COL5A1: variants seen among roughly 807,000 people sequenced by gnomAD.
COL5A1 encodes collagen alpha-1(V) chain.
COL5A1 carries 16 observed loss-of-function variants against 263.7 expected under a neutral mutation model. The observed-to-expected ratio is 0.06, with a 90% confidence interval of 0.04 to 0.09. COL5A1 has a LOEUF of 0.09. Among genes scored for constraint, COL5A1 ranks in the 10% least tolerant of loss-of-function variants. COL5A1 has a pLI of 1.00. For synonymous variants in COL5A1, 1,012 were observed against 1,004.5 expected, an observed-to-expected ratio of 1.01 and a Z score of -0.14; for missense variants, 2,036 against 2,540.5, an observed-to-expected ratio of 0.80 and a Z score of 4.27.
chr9:134,707,514 GC>G (rs1833877722), intron 4 of COL5A1, among the ~76,000 whole-genome samples: 1 of 152,134 alleles, frequency 6.6e-6, no homozygotes, highest in Admixed American at 6.5e-5. Flanking sequence ...GCCTTTCTCA[GC>G]CATCCACGGA....
rs116553927 is a variant in COL5A1, at chr9:134,647,226, T to C, written c.109+4930T>C. On this transcript the variant is annotated intron_variant, in intron 1 of 65. Transcript: ENST00000371817. This position sits in a 1 kb window ranked among gnomAD's most constrained non-coding sequence, Gnocchi z 5.0. ...CCGCTTAGCCGGTCTCTGCTGCCCC[T>C]TTGCCTTCCTTGGCCTCGGTTCTTT... 1.1e-3 allele frequency among the ~76,000 whole-genome samples: 163 copies of C among 152,256 alleles called. No individual in the cohort carries two copies. The highest frequency in any genetic ancestry group is 3.6e-3 in the African/African-American group (150 of 41,540).
intron 50 of COL5A1, 120 bp from the exon 51 acceptor site, chr9:134,815,456 G>C: frequency 2.0e-6 from 2 of 1,008,070 alleles, no homozygotes; most frequent in Non-Finnish European, 3.1e-6. Flanking sequence ...GGAACTGCTG[G>C]AAAGTCTTAG....
At chr9:134,644,591 G>A (rs1031277114) in intron 1 of COL5A1, among the ~76,000 whole-genome samples, 1 of 146,382 alleles carries the variant, frequency 6.8e-6, no homozygotes, top group Non-Finnish European at 1.5e-5. Context: ...GGCAGGCGCG[G>A]GGGGGAGCCA....
In COL5A1 at chr9:134,754,252, T is replaced by C. The variant is rs754059459; in HGVS notation, c.1774-21T>C. On this transcript the variant is annotated intron_variant, in intron 15 of 65. Transcript: ENST00000371817. This position sits in a 1 kb window ranked among gnomAD's most constrained non-coding sequence, Gnocchi z 4.3. ...AGAAAGGCGGACTCGCCACTGACCC[T>C]TTGTCTCTTACCCCTGGCAGGGTCC... 1 of 1,613,124 alleles carries C rather than the reference T, an allele frequency of 6.2e-7. No individual in the cohort carries two copies. The highest frequency in any genetic ancestry group is 1.3e-5 in the African/African-American group (1 of 74,932).
Position 134,754,846 on chromosome 9 carries a change from A to T in COL5A1, c.1827+520A>T, listed in dbSNP as rs1472268639. Among the ~76,000 whole-genome samples the T allele has an allele frequency of 6.6e-6, 1 of 152,178 alleles. No homozygotes were observed. The highest frequency in any genetic ancestry group is 2.4e-5 in the African/African-American group (1 of 41,442). On this transcript the variant is annotated intron_variant, in intron 16 of 65. Transcript: ENST00000371817. The surrounding 1 kb of genome is among the most constrained non-coding windows in gnomAD (Gnocchi z 4.3). ...GTTTCCCGAGTGCTGACCACCACCC[A>T]GACAGGCTGGGGCAGGCCCTGGGAG...
chr9:134,644,552 G>T (rs1831413506), intron 1 of COL5A1, among the ~76,000 whole-genome samples: 1 of 146,218 alleles, frequency 6.8e-6, no homozygotes, highest in Non-Finnish European at 1.5e-5. Flanking sequence ...TGCAGGCGTG[G>T]CGGGGAGGGG....
At chr9:134,719,956 TCTGATAGCACCTGGGAGGGGGA>T (rs1834395499) in intron 4 of COL5A1, among the ~76,000 whole-genome samples, 1 of 152,080 alleles carries the variant, frequency 6.6e-6, no homozygotes, top group Non-Finnish European at 1.5e-5. Flanking sequence ...TGCCAGGGGC[TCTGATAGCACCTGGGAGGGGGA>T]CTGTGGGGAC....
chr9:134,788,297 T>C (rs1191513172), intron 31 of COL5A1, among the ~76,000 whole-genome samples: 3 of 145,832 alleles, frequency 2.1e-5, no homozygotes, highest in Admixed American at 1.4e-4. Context: ...GGCAGGTAAG[T>C]AGACAGGTCG....
chr9:134,794,984 T>C lies in COL5A1; in HGVS notation c.2701-98T>C. On this transcript the variant is annotated intron_variant, in intron 32 of 65. Coordinates refer to ENST00000371817, the MANE Select transcript of COL5A1 (RefSeq NM_000093.5). The surrounding 1 kb of genome is among the most constrained non-coding windows in gnomAD (Gnocchi z 4.3). ...GAGGCCCAGGTTCCTCCTATCCTGC[T>C]CTGAATTCACAGTCTCTCAATAACC... 3 of 1,379,250 alleles carry C rather than the reference T, an allele frequency of 2.2e-6. No homozygotes were observed. Among genetic ancestry groups the C allele is most frequent in the Non-Finnish European group, 3.1e-6 (3 of 972,192 alleles). The allele number at this position is 1,379,250 out of a possible 1,614,324, so 85.4% of individuals were successfully genotyped here.
rs3128602 is a variant in COL5A1, at chr9:134,824,381, A to G, written c.4699-219A>G. Among the ~76,000 whole-genome samples, 114,416 of 152,200 alleles carry G rather than the reference A, an allele frequency of 0.75. 43,201 individuals carry two copies. The highest frequency in any genetic ancestry group is 0.82 in the African/African-American group (34,010 of 41,540). ...TCTAGAGAGAAAGGAGAGGTGCTCC[A>G]TGCTGGCAAGCACCTGGCAGTGGGG... On this transcript the variant is annotated intron_variant, in intron 61 of 65. Coordinates refer to ENST00000371817, the MANE Select transcript of COL5A1 (RefSeq NM_000093.5).
rs1251291908 is a variant in COL5A1 at position 134,700,331 on chromosome 9, C to G, written c.491+209C>G. 6.6e-6 allele frequency among the ~76,000 whole-genome samples: 1 copy of G among 152,160 alleles called. No homozygotes were observed. The highest frequency in any genetic ancestry group is 1.9e-4 in the East Asian group (1 of 5,196). ...TTCATCCTCTGTGGCTCTGGGGAGT[C>G]ACTTCTCCTCCCTGGCCCTCCATTA... On this transcript the variant is annotated intron_variant, in intron 3 of 65. Coordinates refer to ENST00000371817, the MANE Select transcript of COL5A1 (RefSeq NM_000093.5). This position sits in a 1 kb window ranked among gnomAD's most constrained non-coding sequence, Gnocchi z 4.0.
At chr9:134,675,282 C>T (rs898640655) in intron 1 of COL5A1, among the ~76,000 whole-genome samples, 1 of 152,122 alleles carries the variant, frequency 6.6e-6, no homozygotes, top group African/African-American at 2.4e-5. Flanking sequence ...CAAACTGTTT[C>T]CTGAGAGGTG....
chr9:134,777,227 A>G (rs560235343), intron 27 of COL5A1, among the ~76,000 whole-genome samples: 1 of 152,328 alleles, frequency 6.6e-6, no homozygotes, highest in South Asian at 2.1e-4. Flanking sequence ...AGGAGGCCCC[A>G]AATATGAGTT....
chr9:134,687,930 A>C (rs1205795093), intron 1 of COL5A1, among the ~76,000 whole-genome samples: 4 of 152,238 alleles, frequency 2.6e-5, no homozygotes, highest in South Asian at 2.1e-4. Flanking sequence ...CACTGGCTTC[A>C]AACCCATGTC....
chr9:134,833,576 T>A (rs1223566936), intron 64 of COL5A1, among the ~76,000 whole-genome samples: 1 of 149,090 alleles, frequency 6.7e-6, no homozygotes, highest in Non-Finnish European at 1.5e-5. Flanking sequence ...GGAGGAGTGG[T>A]CTTTCTTGAG....
At chr9:134,834,391 A>G (rs1839769296) in intron 64 of COL5A1, among the ~76,000 whole-genome samples, 1 of 152,228 alleles carries the variant, frequency 6.6e-6, no homozygotes, top group Non-Finnish European at 1.5e-5. Context: ...CCCAGGTGGC[A>G]GAAGGGGAGA....
At chr9:134,738,328 G>A in intron 9 of COL5A1, 146 bp from the exon 10 acceptor site, 1 of 823,262 alleles carries the variant, frequency 1.2e-6, no homozygotes, top group Admixed American at 2.3e-5. Flanking sequence ...GGCCCCCTTT[G>A]CAGTCTGTGC....
chr9:134,818,670 G>A lies in COL5A1; in HGVS notation c.4245G>A (p.Leu1415=), dbSNP rs768545195. Residue 1415 remains leucine (L), a synonymous_variant, in exon 55 of 66, where the codon TTG becomes TTA. Transcript: ENST00000371817. This position sits in a 1 kb window ranked among gnomAD's most constrained non-coding sequence, Gnocchi z 6.0. ...CCGTCCTGCAGGGAGAAGCCGGCTT[G>A]GAAGGCCCTCCTGGGAAGACTGGCC... ...GEKGAKGEAG[L]EGPPGKTGPI... is the part of the protein sequence containing the mutation. 2.5e-6 allele frequency: 4 copies of A among 1,605,946 alleles called. No individual in the cohort carries two copies. The South Asian group carries it at 3.3e-5, about 13-fold the overall frequency.
Position 134,754,449 on chromosome 9 carries a change from T to C in COL5A1, c.1827+123T>C. Reference sequence around the variant, plus strand: ...CATGAAGCCAGGTGGCTCCCCTTCTTGTGATGGGTGCGTCCATCCCCAAGG... The same window carrying C: ...CATGAAGCCAGGTGGCTCCCCTTCTCGTGATGGGTGCGTCCATCCCCAAGG... On this transcript the variant is annotated intron_variant, in intron 16 of 65. Coordinates refer to ENST00000371817, the MANE Select transcript of COL5A1 (RefSeq NM_000093.5). This position sits in a 1 kb window ranked among gnomAD's most constrained non-coding sequence, Gnocchi z 4.3. 5 of 1,092,270 alleles carry C rather than the reference T, an allele frequency of 4.6e-6. No individual in the cohort carries two copies. The highest frequency in any genetic ancestry group is 5.6e-6 in the Non-Finnish European group (4 of 715,076). 67.7% of individuals were successfully genotyped at this position (1,092,270 alleles called of 1,614,324 possible).
Sources: allele counts gnomAD v4.1 joint callset (sites outside exome capture counted in the v4.1 genomes callset), GRCh38; gene constraint gnomAD v4.1.1; non-coding constraint Gnocchi (gnomAD v3.1); transcripts MANE v1.5; gene names NCBI Gene and HGNC (gene_info 2026-07-23, HGNC 2026-07-21).